COMMD1: variants seen among roughly 807,000 people sequenced by gnomAD.
The protein encoded by COMMD1 is copper metabolism domain containing 1.
A neutral mutation model predicts 17.2 loss-of-function variants in COMMD1; 10 were observed. That is an observed-to-expected ratio of 0.58 (90% CI 0.36 to 0.99). COMMD1 has a LOEUF of 0.99. COMMD1 is among the 50% of genes least tolerant of loss of function. The pLI, the probability that COMMD1 is intolerant of heterozygous loss-of-function variation, is 0.01. For synonymous variants in COMMD1, 97 were observed against 91.6 expected, an observed-to-expected ratio of 1.06 and a Z score of -0.34; for missense variants, 270 against 231.8, an observed-to-expected ratio of 1.17 and a Z score of -1.07.
At chr2:61,900,333 A>G (rs1669632435) in intron 1 of COMMD1, among the ~76,000 whole-genome samples, 2 of 152,224 alleles carry the variant, frequency 1.3e-5, no homozygotes, top group Admixed American at 1.3e-4. Flanking sequence ...TTTAATTTGC[A>G]ATTGGTTAAA....
intron 2 of COMMD1, among the ~76,000 whole-genome samples, chr2:62,124,422 C>T (rs1672837147): frequency 6.6e-6 from 1 of 152,130 alleles, no homozygotes; most frequent in African/African-American, 2.4e-5. Flanking sequence ...TTTATTTTTC[C>T]ATCTTGTGGA....
At chr2:61,990,936 A>G (rs1054119306) in intron 1 of COMMD1, among the ~76,000 whole-genome samples, 2 of 150,880 alleles carry the variant, frequency 1.3e-5, no homozygotes, top group African/African-American at 4.9e-5. Context: ...ACACACACAC[A>G]CACATAATGC....
intron 2 of COMMD1, among the ~76,000 whole-genome samples, chr2:62,102,412 A>G (rs1295082358): frequency 6.6e-6 from 1 of 152,152 alleles, no homozygotes; most frequent in Non-Finnish European, 1.5e-5. Context: ...ACGCACTCAA[A>G]TACCTGAACT....
intron 1 of COMMD1, among the ~76,000 whole-genome samples, chr2:61,965,046 A>C (rs1389466083): frequency 6.6e-6 from 1 of 151,550 alleles, no homozygotes; most frequent in African/African-American, 2.4e-5. Flanking sequence ...AAAAAAAATT[A>C]AAAAAAAAGA....
chr2:62,107,414 G>A (rs972227964), intron 2 of COMMD1, among the ~76,000 whole-genome samples: 1 of 152,148 alleles, frequency 6.6e-6, no homozygotes. Flanking sequence ...AACATGAGCT[G>A]GTGGAGGCAT....
intron 2 of COMMD1, among the ~76,000 whole-genome samples, chr2:62,023,915 T>TA (rs1323577950): frequency 1.3e-5 from 2 of 152,112 alleles, no homozygotes; most frequent in African/African-American, 2.4e-5. Flanking sequence ...TACAGTCATT[T>TA]AAAAAAAATC....
At chr2:61,951,921 A>G (rs1181168405) in intron 1 of COMMD1, among the ~76,000 whole-genome samples, 1 of 152,212 alleles carries the variant, frequency 6.6e-6, no homozygotes, top group African/African-American at 2.4e-5. Context: ...ACCTTCACTC[A>G]GCATAATTAT....
intron 2 of COMMD1, among the ~76,000 whole-genome samples, chr2:62,088,755 T>C (rs1401789680): frequency 6.6e-6 from 1 of 152,220 alleles, no homozygotes; most frequent in Non-Finnish European, 1.5e-5. Context: ...TTTGAAGAGA[T>C]TTATTCTGAG....
intron 2 of COMMD1, among the ~76,000 whole-genome samples, chr2:62,020,092 G>A (rs2103853468): frequency 6.6e-6 from 1 of 152,306 alleles, no homozygotes; most frequent in East Asian, 1.9e-4. Context: ...CTCCTCAGAT[G>A]TATGTAGTTT....
chr2:62,115,924 C>T (rs1672586222), intron 2 of COMMD1, among the ~76,000 whole-genome samples: 2 of 142,288 alleles, frequency 1.4e-5, no homozygotes, highest in African/African-American at 5.3e-5. Context: ...ATGATCTTGG[C>T]TCACTGCAAC....
intron 2 of COMMD1, chr2:62,079,685 G>C (rs1671463763): frequency 6.6e-6 from 1 of 152,116 alleles, no homozygotes. Context: ...GTGTTTTTTT[G>C]GGTAGCATAG....
intron 2 of COMMD1, among the ~76,000 whole-genome samples, chr2:62,097,048 A>G (rs1436184231): frequency 2.6e-5 from 4 of 152,248 alleles, no homozygotes; most frequent in South Asian, 2.1e-4. Flanking sequence ...CCACAGGTAT[A>G]CTGAAGAATG....
At chr2:62,130,009 A>G (rs1672982727) in intron 2 of COMMD1, among the ~76,000 whole-genome samples, 1 of 152,150 alleles carries the variant, frequency 6.6e-6, no homozygotes, top group Non-Finnish European at 1.5e-5. Context: ...CCCCTTCTCT[A>G]CTAAAAATAT....
At position 62,135,907 on chromosome 2, in the gene COMMD1, A is replaced by G; in HGVS notation, c.539A>G (p.Glu180Gly). 1 of 1,602,658 alleles carries G rather than the reference A, an allele frequency of 6.2e-7. No homozygotes were observed. The highest frequency in any genetic ancestry group is 8.6e-7 in the Non-Finnish European group (1 of 1,169,506). Residue 180 changes from glutamate (E) to glycine (G), a missense_variant, in exon 3 of 3, where the codon GAA (glutamate) becomes GGA (glycine). Transcript: ENST00000311832. ...QILKTLSEVE[E>G]SISTLISQPN Reference sequence around the variant, plus strand: ...CTGAAGACGCTGTCAGAGGTAGAAGAAAGTATCAGCACACTGATCAGCCAG... The same window carrying G: ...CTGAAGACGCTGTCAGAGGTAGAAGGAAGTATCAGCACACTGATCAGCCAG...
At chr2:61,890,668 C>G (rs936120190) in intron 1 of COMMD1, among the ~76,000 whole-genome samples, 1 of 151,830 alleles carries the variant, frequency 6.6e-6, no homozygotes, top group Non-Finnish European at 1.5e-5. Context: ...TGGCGAAACC[C>G]CGTCTCTACT....
chr2:62,012,548 C>A (rs1389897799), intron 2 of COMMD1, among the ~76,000 whole-genome samples: 2 of 151,874 alleles, frequency 1.3e-5, no homozygotes, highest in Non-Finnish European at 2.9e-5. Context: ...GAACTCCCGA[C>A]CTCAGTTGAT....
intron 1 of COMMD1, among the ~76,000 whole-genome samples, chr2:61,989,582 C>T (rs1672193345): frequency 6.6e-6 from 1 of 151,892 alleles, no homozygotes; most frequent in Admixed American, 6.6e-5. Context: ...GCCTCAGCCT[C>T]CCAAGTAGCT....
chr2:61,987,679 C>T (rs1403152890), intron 1 of COMMD1, among the ~76,000 whole-genome samples: 1 of 152,198 alleles, frequency 6.6e-6, no homozygotes, highest in Non-Finnish European at 1.5e-5. Context: ...ACTGTAACCA[C>T]TACCTGGCTA....
intron 1 of COMMD1, among the ~76,000 whole-genome samples, chr2:61,920,943 G>A (rs1039757085): frequency 1.4e-5 from 2 of 139,932 alleles, no homozygotes; most frequent in Admixed American, 7.9e-5. Context: ...ATATACGTGT[G>A]TTTGTGTATA....
Sources: allele counts gnomAD v4.1 joint callset (sites outside exome capture counted in the v4.1 genomes callset), GRCh38; gene constraint gnomAD v4.1.1; transcripts MANE v1.5; gene names NCBI Gene and HGNC (gene_info 2026-07-23, HGNC 2026-07-21).